PIK3C2B: variants seen among roughly 807,000 people sequenced by gnomAD.
PIK3C2B encodes the protein phosphatidylinositol 4-phosphate 3-kinase C2 domain-containing subunit beta.
PIK3C2B carries 83 observed loss-of-function variants against 184.3 expected under a neutral mutation model. That is an observed-to-expected ratio of 0.45 (90% CI 0.38 to 0.54). The LOEUF (loss-of-function observed/expected upper bound fraction) is 0.54. Ranked by LOEUF, PIK3C2B falls within the 20% of genes least tolerant of loss-of-function variation. The probability of loss-of-function intolerance (pLI) is 0.00; values close to 1 mark genes in which losing one functional copy is unlikely to be tolerated. For synonymous variants in PIK3C2B, 779 were observed against 837.6 expected (o/e 0.93, Z 1.21); for missense variants, 1,736 against 2,113.5 (o/e 0.82, Z 3.50).
rs1572314353 is a variant in PIK3C2B, at chr1:204,443,562, C to T, written c.2903G>A (p.Ser968Asn). Residue 968 changes from serine to asparagine, a missense_variant, in exon 19 of 33, where the codon AGC (serine) becomes AAC (asparagine). By Grantham distance (46) the Ser-to-Asn change is conservative. This residue lies in a region of PIK3C2B where 289 missense variants were observed against 380.4 expected (regional missense o/e 0.76). Coordinates refer to ENST00000684373, the MANE Select transcript of PIK3C2B (RefSeq NM_001377334.1). ...LKDGLKDSQF[S>N]IRYQYLLAAL... ...TGCCAGCAGATACTGGTAGCGGATG[C>T]TGAACTGAGAGTCCTTGAGGCCGTC... 1.2e-6 allele frequency: 2 copies of T among 1,614,256 alleles called. No individual in the cohort carries two copies. The highest frequency in any genetic ancestry group is 2.2e-5 in the East Asian group (1 of 44,888).
At position 204,429,994 on chromosome 1, in the gene PIK3C2B, A is replaced by G. The variant is rs771208418; in HGVS notation, c.4325T>C (p.Val1442Ala). The G allele has an allele frequency of 1.2e-5, 19 of 1,611,556 alleles. No individual in the cohort carries two copies. Among genetic ancestry groups the G allele is most frequent in the Non-Finnish European group, 1.6e-5 (19 of 1,179,912 alleles). The change falls in exon 29 of 33, where the codon GTG becomes GCG. Residue 1442 changes from valine (V) to alanine (A), a missense_variant. Transcript: ENST00000684373. ...TAGCTCCTCCCTCCGCCGCTCGGCC[A>G]CCGCCTCTCCCCGGGAGCGGCCGAT... Reference protein sequence around the residue: ...FVIGRSRGEAVAERRREELNG... With the variant: ...FVIGRSRGEAAAERRREELNG...
At chr1:204,458,557 G>A (rs1369686952) in intron 8 of PIK3C2B, among the ~76,000 whole-genome samples, 3 of 150,412 alleles carry the variant, frequency 2.0e-5, no homozygotes, top group South Asian at 2.1e-4. Context: ...GCAATGGCGC[G>A]ATCTCGGCTC....
In PIK3C2B at chr1:204,431,706, T is replaced by G. The variant is rs2103469269; in HGVS notation, c.4243A>C (p.Lys1415Gln). The G allele has an allele frequency of 6.2e-7, 1 of 1,614,110 alleles. No homozygotes were observed. Among genetic ancestry groups the G allele is most frequent in the East Asian group, 2.2e-5 (1 of 44,874 alleles). ...TFEEFQELHN[K>Q]LRLLFPSSHL... Reference sequence around the variant, plus strand: ...GAAGAAGGGAAGAGCAGCCGCAACTTATTGTGTAATTCCTGGAACTCCTCA... The same window carrying G: ...GAAGAAGGGAAGAGCAGCCGCAACTGATTGTGTAATTCCTGGAACTCCTCA... Residue 1415 changes from lysine to glutamine, a missense_variant, in exon 28 of 33, where the codon AAG becomes CAG. By Grantham distance (53) the Lys-to-Gln change is moderately conservative (BLOSUM62 1). Coordinates refer to ENST00000684373, the MANE Select transcript of PIK3C2B (RefSeq NM_001377334.1).
intron 30 of PIK3C2B, 147 bp from the exon 31 acceptor site, chr1:204,427,901 G>A: frequency 3.0e-6 from 2 of 659,512 alleles, no homozygotes; most frequent in Non-Finnish European, 2.7e-6. Flanking sequence ...TGTGATTAGA[G>A]TTAATTGGGT....
intron 10 of PIK3C2B, chr1:204,456,346 T>C (rs753878026): frequency 8.6e-5 from 22 of 256,652 alleles, no homozygotes; most frequent in South Asian, 1.7e-4. Context: ...TAATAATTAT[T>C]GTCAGTTGCT....
intron 12 of PIK3C2B, among the ~76,000 whole-genome samples, chr1:204,454,246 G>A (rs981606014): frequency 6.5e-4 from 98 of 150,572 alleles, no homozygotes; most frequent in Middle Eastern, 3.5e-3. Flanking sequence ...ACTCTGGGAG[G>A]CCGAGGCGGG....
Position 204,447,549 on chromosome 1 carries a change from G to A in PIK3C2B, c.2376C>T (p.Ile792=), listed in dbSNP as rs1439127421. 3 of 1,611,504 alleles carry A rather than the reference G, an allele frequency of 1.9e-6. No individual in the cohort carries two copies. The highest frequency in any genetic ancestry group is 2.5e-6 in the Non-Finnish European group (3 of 1,178,750). Residue 792 remains isoleucine, a synonymous_variant, in exon 15 of 33, where the codon ATC becomes ATT. Transcript: ENST00000684373. The surrounding 1 kb of genome is among the most constrained non-coding windows in gnomAD (Gnocchi z 4.1). ...QIDFPTSAFD[I]KFTSPPGDKF... is the part of the protein sequence containing the mutation. ...TGTCTCCAGGGGGGCTGGTGAACTT[G>A]ATGTCAAAGGCCGAGGTGGGGAAGT...
chr1:204,433,896 C>T lies in PIK3C2B; in HGVS notation c.3740G>A (p.Gly1247Asp). The T allele has an allele frequency of 6.2e-7, 1 of 1,613,950 alleles. No individual in the cohort carries two copies. The highest frequency in any genetic ancestry group is 2.2e-5 in the East Asian group (1 of 44,874). The change falls in exon 25 of 33, where the codon GGT becomes GAT. Residue 1247 changes from glycine to aspartate, a missense_variant. Coordinates refer to ENST00000684373, the MANE Select transcript of PIK3C2B (RefSeq NM_001377334.1). The surrounding 1 kb of genome is among the most constrained non-coding windows in gnomAD (Gnocchi z 5.0). ...ATGGAAGCGGCTGGAAGGCTTGTCA[C>T]CCCCGTTGATGACATACGCCATGTC... ...TSDMAYVING[G>D]DKPSSRFHDF...
chr1:204,466,658 G>A (rs771339154), intron 2 of PIK3C2B: 3 of 388,326 alleles, frequency 7.7e-6, no homozygotes, highest in Admixed American at 6.3e-5. Context: ...GAGAGACAGT[G>A]GGGGGAGGGA....
chr1:204,492,587 G>A (rs960356720), intron 1 of PIK3C2B, among the ~76,000 whole-genome samples: 1 of 152,136 alleles, frequency 6.6e-6, no homozygotes, highest in South Asian at 2.1e-4. Flanking sequence ...AAAGGCCCAC[G>A]AGGGTATAGA....
rs747145855 is a variant in PIK3C2B, at chr1:204,424,848, G to T, written c.*4C>A. ...TGGGATGCTGGGTGGTGGCTCTGCT[G>T]GGCTCACAAGGTGCCATGACTTCGA... is the stretch of plus-strand genomic sequence containing the variant. On this transcript the variant is annotated 3_prime_UTR_variant, in exon 33 of 33. Transcript: ENST00000684373. The T allele has an allele frequency of 6.8e-6, 11 of 1,613,476 alleles. No individual in the cohort carries two copies. Among genetic ancestry groups the T allele is most frequent in the Non-Finnish European group, 9.3e-6 (11 of 1,179,668 alleles).
At chr1:204,485,532 C>G (rs1056926848) in intron 1 of PIK3C2B, among the ~76,000 whole-genome samples, 3 of 151,688 alleles carry the variant, frequency 2.0e-5, no homozygotes, top group African/African-American at 7.3e-5. Flanking sequence ...TCTCCACTGC[C>G]AGGATAATCT....
At chr1:204,429,097 C>A (rs532847687) in intron 29 of PIK3C2B, among the ~76,000 whole-genome samples, 1 of 151,780 alleles carries the variant, frequency 6.6e-6, no homozygotes, top group African/African-American at 2.4e-5. Context: ...GTGTGGTGGC[C>A]CATGCCTACA....
At position 204,456,050 on chromosome 1, in the gene PIK3C2B, CTCTGGGAAGGGAAGGG is replaced by C. The variant is rs1324248387; in HGVS notation, c.1748-15_1748del. 6.2e-7 allele frequency: 1 copy of C among 1,611,916 alleles called. No individual in the cohort carries two copies. The highest frequency in any genetic ancestry group is 1.1e-5 in the South Asian group (1 of 90,890). On this transcript the variant is annotated splice_acceptor_variant and splice_polypyrimidine_tract_variant and coding_sequence_variant and intron_variant, in exon 11 of 33. Coordinates refer to ENST00000684373, the MANE Select transcript of PIK3C2B (RefSeq NM_001377334.1). LOFTEE classifies it high-confidence loss of function. Reference sequence around the variant, plus strand: ...CAGCGGTCAGGGCTTCCACGACCTTCTCTGGGAAGGGAAGGGGTCAGAAGGGAAAGTCATGAGGCCT... The same window carrying C: ...CAGCGGTCAGGGCTTCCACGACCTTCGTCAGAAGGGAAAGTCATGAGGCCT...
In PIK3C2B at chr1:204,457,082, A is replaced by C. The variant is rs942874439; in HGVS notation, c.1714-12T>G. The C allele has an allele frequency of 1.3e-6, 2 of 1,560,076 alleles. No homozygotes were observed. The highest frequency in any genetic ancestry group is 2.7e-5 in the African/African-American group (2 of 73,502). On this transcript the variant is annotated splice_polypyrimidine_tract_variant and intron_variant, in intron 9 of 32. Transcript: ENST00000684373. ...AAGACACTGGGATCCTGTTGGGAAAAAGAAGAGGGAGGGGAGCTTCAGGGC... is the reference window on the plus strand; with the variant it reads ...AAGACACTGGGATCCTGTTGGGAAACAGAAGAGGGAGGGGAGCTTCAGGGC...
chr1:204,456,997 G>A (rs769285334), intron 10 of PIK3C2B, 40 bp downstream of exon 10: 4 of 1,548,148 alleles, frequency 2.6e-6, no homozygotes, highest in Admixed American at 1.9e-5. Context: ...TGCAGTTTTC[G>A]GCAGCCCGAC....
At chr1:204,464,206 T>C in intron 4 of PIK3C2B, 74 bp from the exon 5 acceptor site, 1 of 1,532,888 alleles carries the variant, frequency 6.5e-7, no homozygotes, top group Non-Finnish European at 8.9e-7. Context: ...CCCACCCTGA[T>C]CCCCCTTTCC....
At position 204,423,436 on chromosome 1, in the gene PIK3C2B, G is replaced by A. The variant is rs1413380649; in HGVS notation, c.*1416C>T. ...ACACTCCAGCCTGGCGACAGGGCGAGACTCCGTCTCCAAAAAAAAAAAAAA... is the reference window on the plus strand; with the variant it reads ...ACACTCCAGCCTGGCGACAGGGCGAAACTCCGTCTCCAAAAAAAAAAAAAA... On this transcript the variant is annotated 3_prime_UTR_variant, in exon 33 of 33. Coordinates refer to ENST00000684373, the MANE Select transcript of PIK3C2B (RefSeq NM_001377334.1). 9 of 140,844 alleles carry A rather than the reference G, an allele frequency of 6.4e-5. No homozygotes were observed. Among genetic ancestry groups the A allele is most frequent in the African/African-American group, 2.5e-4 (9 of 36,068 alleles). 8.7% of individuals were successfully genotyped at this position (140,844 alleles called of 1,614,324 possible). A position where few individuals can be genotyped will look rare whatever the true frequency, so the allele number is the denominator to read the frequency against.
chr1:204,454,254 G>A (rs974694876), intron 12 of PIK3C2B, among the ~76,000 whole-genome samples: 30 of 150,296 alleles, frequency 2.0e-4, no homozygotes, highest in East Asian at 4.1e-4. Flanking sequence ...AGGCCGAGGC[G>A]GGCAGATCAC....
Sources: gnomAD v4.1 joint callset for allele counts (sites outside exome capture counted in the v4.1 genomes callset) on GRCh38, gnomAD v4.1.1 for gene constraint, gnomAD v4.1.1 regional missense constraint, Gnocchi (gnomAD v3.1) non-coding constraint, MANE v1.5 for transcripts, NCBI Gene and HGNC (gene_info 2026-07-23, HGNC 2026-07-21) for gene names.